ATAD2B: variants seen among roughly 807,000 people sequenced by gnomAD.
ATAD2B encodes ATPase family AAA domain containing 2B.
A neutral mutation model predicts 167.6 loss-of-function variants in ATAD2B; 40 were observed. That is an observed-to-expected ratio of 0.24 (90% confidence interval 0.19 to 0.31). ATAD2B has a LOEUF of 0.31. Among genes scored for constraint, ATAD2B ranks in the 10% least tolerant of loss-of-function variants. ATAD2B has a pLI of 1.00. For missense variants in ATAD2B, 1,242 were observed against 1,757.2 expected (o/e 0.71, Z 5.24); for synonymous variants, 579 against 596.5 (o/e 0.97, Z 0.43).
chr2:23,778,911 T>C (rs1679564240), intron 22 of ATAD2B, among the ~76,000 whole-genome samples: 1 of 152,158 alleles, frequency 6.6e-6, no homozygotes, highest in Non-Finnish European at 1.5e-5. Context: ...CTCTGCGTCT[T>C]GAAAACCAGG....
chr2:23,762,435 A>T, intron 23 of ATAD2B, 89 bp from the exon 24 acceptor site: 1 of 1,359,614 alleles, frequency 7.4e-7, no homozygotes, highest in South Asian at 1.5e-5. Flanking sequence ...TACAAAACTG[A>T]GTTTTAAAGT....
chr2:23,764,163 T>C (rs1225491422), intron 23 of ATAD2B, among the ~76,000 whole-genome samples: 2 of 152,222 alleles, frequency 1.3e-5, no homozygotes, highest in Non-Finnish European at 2.9e-5. Context: ...TTTAATTTTT[T>C]AGAAATTGCC....
At chr2:23,739,844 T>C in the ATAD2B span, among the ~76,000 whole-genome samples, 2 of 151,600 alleles carry the variant, frequency 1.3e-5, no homozygotes, top group African/African-American at 2.4e-5. Context: ...ATCAAATAGA[T>C]GCAATAAAAA....
the ATAD2B span, among the ~76,000 whole-genome samples, chr2:23,678,133 T>G: frequency 6.6e-6 from 1 of 152,116 alleles, no homozygotes; most frequent in South Asian, 2.1e-4. Flanking sequence ...TGTCGTTTGG[T>G]GAAAAATATG....
intron 25 of ATAD2B, chr2:23,755,173 A>C: frequency 6.6e-6 from 1 of 151,692 alleles, no homozygotes; most frequent in Non-Finnish European, 1.5e-5. Context: ...TACTAACAAA[A>C]GTGGGGCCCA....
chr2:23,866,776 T>C (rs1220598708), intron 10 of ATAD2B, among the ~76,000 whole-genome samples: 1 of 152,250 alleles, frequency 6.6e-6, no homozygotes, highest in East Asian at 1.9e-4. Context: ...TTCTATTTGA[T>C]AACTTATTTT....
At chr2:23,881,911 C>T (rs1266878094) in intron 6 of ATAD2B, among the ~76,000 whole-genome samples, 9 of 151,734 alleles carry the variant, frequency 5.9e-5, no homozygotes, top group Non-Finnish European at 1.2e-4. Context: ...TCAGTAGAGA[C>T]GGGGTTTCAC....
At chr2:23,747,617 C>T (rs1307961872), downstream of ATAD2B, among the ~76,000 whole-genome samples, 1 of 152,072 alleles carries the variant, frequency 6.6e-6, no homozygotes, top group African/African-American at 2.4e-5. Context: ...TGTGTCCCTT[C>T]TGTTAAAGCA....
At chr2:23,873,499 C>CT (rs1696319518) in intron 8 of ATAD2B, among the ~76,000 whole-genome samples, 1 of 152,198 alleles carries the variant, frequency 6.6e-6, no homozygotes, top group African/African-American at 2.4e-5. Flanking sequence ...CTCCCACACA[C>CT]TTTTTTTGAA....
intron 7 of ATAD2B, among the ~76,000 whole-genome samples, chr2:23,878,532 G>A (rs964426704): frequency 5.3e-5 from 8 of 151,082 alleles, no homozygotes; most frequent in Non-Finnish European, 1.0e-4. Context: ...GGTGGCAGGC[G>A]CCTGTAGTCC....
chr2:23,884,134 G>A (rs1311141686), intron 6 of ATAD2B, among the ~76,000 whole-genome samples: 1 of 151,778 alleles, frequency 6.6e-6, no homozygotes, highest in Non-Finnish European at 1.5e-5. Flanking sequence ...ACAAGAACAA[G>A]ACTCTGTCTC....
chr2:23,827,691 G>C (rs1688461737), intron 15 of ATAD2B: 1 of 152,676 alleles, frequency 6.5e-6, no homozygotes, highest in South Asian at 2.1e-4. Context: ...ACAAGGCTTT[G>C]CAAAGGTCAA....
chr2:23,703,038 C>T, the ATAD2B span: 44 of 498,198 alleles, frequency 8.8e-5, no homozygotes, highest in South Asian at 2.1e-3. Context: ...AGTGTCTCAT[C>T]GCAGTGCCCC....
chr2:23,822,516 A>G (rs952444680), intron 16 of ATAD2B, among the ~76,000 whole-genome samples: 20 of 151,538 alleles, frequency 1.3e-4, no homozygotes, highest in Non-Finnish European at 2.4e-4. Flanking sequence ...CTGCATTCCA[A>G]CCTAGGTGAC....
At chr2:23,728,176 G>A in the ATAD2B span, among the ~76,000 whole-genome samples, 2 of 151,956 alleles carry the variant, frequency 1.3e-5, no homozygotes, top group African/African-American at 4.8e-5. Context: ...GAGATGTAAG[G>A]GAAATTTCAG....
At chr2:23,761,592 A>C (rs1158780625) in intron 24 of ATAD2B, among the ~76,000 whole-genome samples, 1 of 152,208 alleles carries the variant, frequency 6.6e-6, no homozygotes, top group African/African-American at 2.4e-5. Context: ...GTATCTTCCA[A>C]GGAAGGCTAT....
intron 11 of ATAD2B, 146 bp downstream of exon 11, chr2:23,864,662 TA>T (rs1223467753): frequency 2.2e-6 from 1 of 444,908 alleles, no homozygotes; most frequent in Non-Finnish European, 3.9e-6. Flanking sequence ...CTCTGGACCC[TA>T]AACAATAACA....
At chr2:23,919,774 C>T (rs1255367003) in intron 1 of ATAD2B, among the ~76,000 whole-genome samples, 1 of 150,456 alleles carries the variant, frequency 6.6e-6, no homozygotes, top group Non-Finnish European at 1.5e-5. Flanking sequence ...ACCCAGGAAG[C>T]ACACAGATTA....
At chr2:23,853,889 C>T (rs778827230) in intron 13 of ATAD2B, among the ~76,000 whole-genome samples, 5 of 152,118 alleles carry the variant, frequency 3.3e-5, no homozygotes, top group South Asian at 2.1e-4. Flanking sequence ...TTGTCAAAGA[C>T]GTGCCAAGAA....
Sources: gnomAD v4.1 joint callset for allele counts (sites outside exome capture counted in the v4.1 genomes callset) on GRCh38, gnomAD v4.1.1 for gene constraint, MANE v1.5 for transcripts, NCBI Gene and HGNC (gene_info 2026-07-23, HGNC 2026-07-21) for gene names.